Variants in KLHL32 observed in about 807,000 individuals in gnomAD.
The protein encoded by KLHL32 is kelch like family member 32, also known as kelch-like protein 32.
In KLHL32, 35 loss-of-function variants were observed where a neutral mutation model predicts 64.8. The observed-to-expected ratio is 0.54, with a 90% CI of 0.41 to 0.72. The LOEUF (loss-of-function observed/expected upper bound fraction) is 0.72, where lower values mean the gene tolerates loss of function less well. Ranked by LOEUF, KLHL32 falls within the 30% of genes least tolerant of loss-of-function variation. The pLI is 0.00. For synonymous variants in KLHL32, 259 were observed against 281.0 expected, an observed-to-expected ratio of 0.92 and a Z score of 0.78; for missense variants, 589 against 768.5, an observed-to-expected ratio of 0.77 and a Z score of 2.76.
intron 1 of KLHL32, among the ~76,000 whole-genome samples, chr6:96,941,538 A>G (rs1424194670): frequency 2.6e-5 from 4 of 152,348 alleles, no homozygotes; most frequent in Admixed American, 1.3e-4. Flanking sequence ...TCTGAGAAGC[A>G]TTGATATTAT....
rs935272354 is a variant in KLHL32 at position 96,934,824 on chromosome 6, C to T, written c.-66+9798C>T. Among the ~76,000 whole-genome samples the T allele has an allele frequency of 3.9e-5, 6 of 152,250 alleles. No individual in the cohort carries two copies. The East Asian group carries it at 5.8e-4, about 15-fold the overall frequency. ...CTTTATGTAAGCCAACTGGAGAATG[C>T]CATTTCCACTGTGGATATAATCTTA... On this transcript the variant is annotated intron_variant, in intron 1 of 10. Transcript: ENST00000369261.
chr6:96,954,379 A>T (rs1007568580), intron 1 of KLHL32, among the ~76,000 whole-genome samples: 9 of 125,104 alleles, frequency 7.2e-5, no homozygotes, highest in African/African-American at 2.9e-4. Flanking sequence ...TGATGCTTAG[A>T]TATTCACTCA....
chr6:97,109,628 A>T (rs1796857246), intron 6 of KLHL32, among the ~76,000 whole-genome samples: 1 of 152,246 alleles, frequency 6.6e-6, no homozygotes, highest in Admixed American at 6.5e-5. Context: ...TGCTGGAAAG[A>T]TAAAGATAAA....
chr6:97,105,275 A>G (rs1468708225), intron 6 of KLHL32, among the ~76,000 whole-genome samples: 3 of 152,328 alleles, frequency 2.0e-5, no homozygotes, highest in East Asian at 3.9e-4. Flanking sequence ...TTAGAAAGGA[A>G]AAGATTCGTC....
At chr6:97,039,183 C>T (rs1784746092) in intron 3 of KLHL32, among the ~76,000 whole-genome samples, 1 of 151,406 alleles carries the variant, frequency 6.6e-6, no homozygotes. Context: ...GGTATATATA[C>T]CCAAAGAAAT....
intron 1 of KLHL32, among the ~76,000 whole-genome samples, chr6:96,947,978 A>G (rs1443083741): frequency 6.6e-6 from 1 of 152,164 alleles, no homozygotes; most frequent in Non-Finnish European, 1.5e-5. Flanking sequence ...GCATAAAGAA[A>G]TGAATTGTAT....
intron 3 of KLHL32, among the ~76,000 whole-genome samples, chr6:96,978,468 A>C (rs1029172405): frequency 6.6e-6 from 1 of 152,222 alleles, no homozygotes; most frequent in Non-Finnish European, 1.5e-5. Context: ...TGCAAAGGAC[A>C]TGATCTCATT....
intron 2 of KLHL32, 100 bp from the exon 3 acceptor site, chr6:96,975,897 G>A (rs1000962453): frequency 1.1e-5 from 9 of 850,482 alleles, no homozygotes; most frequent in South Asian, 4.5e-5. Context: ...GAGTGCACTG[G>A]AACCCGTGTT....
intron 5 of KLHL32, among the ~76,000 whole-genome samples, chr6:97,070,709 G>A (rs1790575239): frequency 2.0e-5 from 3 of 152,180 alleles, no homozygotes; most frequent in South Asian, 4.1e-4. Context: ...GCTAACTGTT[G>A]TCAGCTGGGT....
chr6:97,095,941 T>C (rs1455902131), intron 6 of KLHL32, among the ~76,000 whole-genome samples: 1 of 152,168 alleles, frequency 6.6e-6, no homozygotes, highest in East Asian at 1.9e-4. Flanking sequence ...TTGAAGTCCA[T>C]TTACATGTAG....
At chr6:96,902,157 T>C in the KLHL32 span, among the ~76,000 whole-genome samples, 4 of 152,218 alleles carry the variant, frequency 2.6e-5, no homozygotes, top group South Asian at 2.1e-4. Context: ...TCTGGGGAAT[T>C]GCCACACTAT....
intron 1 of KLHL32, 141 bp downstream of exon 1, chr6:96,925,167 A>G (rs897381284): frequency 1.1e-4 from 17 of 152,360 alleles, no homozygotes; most frequent in African/African-American, 4.1e-4. Context: ...CGTGTCGTCT[A>G]ACGGGAGCAG....
chr6:97,080,714 C>G (rs1792368693), intron 5 of KLHL32, among the ~76,000 whole-genome samples: 1 of 152,174 alleles, frequency 6.6e-6, no homozygotes, highest in Non-Finnish European at 1.5e-5. Context: ...CAGTGGTGAA[C>G]AAACCAGCAG....
chr6:97,082,599 G>A (rs2128175905), intron 5 of KLHL32, among the ~76,000 whole-genome samples: 1 of 143,236 alleles, frequency 7.0e-6, no homozygotes, highest in South Asian at 2.4e-4. Context: ...GGGCGACAGA[G>A]CAAGATTCCA....
intron 3 of KLHL32, among the ~76,000 whole-genome samples, chr6:97,029,017 G>C (rs1783136022): frequency 6.6e-6 from 1 of 152,236 alleles, no homozygotes. Flanking sequence ...CTTTCCAGAA[G>C]ACAGAAAGAC....
intron 3 of KLHL32, among the ~76,000 whole-genome samples, chr6:97,019,478 C>CT (rs1781691453): frequency 1.3e-5 from 2 of 152,228 alleles, no homozygotes; most frequent in Non-Finnish European, 2.9e-5. Flanking sequence ...AGATTAGTCA[C>CT]TGGATGTGGG....
At chr6:97,058,488 A>G (rs1582880028) in intron 4 of KLHL32, among the ~76,000 whole-genome samples, 1 of 152,130 alleles carries the variant, frequency 6.6e-6, no homozygotes, top group Non-Finnish European at 1.5e-5. Flanking sequence ...ATTGCCTACC[A>G]ATATTCATTT....
intron 3 of KLHL32, among the ~76,000 whole-genome samples, chr6:96,993,002 A>G (rs1369481034): frequency 6.6e-6 from 1 of 152,154 alleles, no homozygotes; most frequent in African/African-American, 2.4e-5. Flanking sequence ...TTGTGCACTG[A>G]TTGTTCAGAT....
At chr6:96,909,186 T>C in the KLHL32 span, among the ~76,000 whole-genome samples, 1 of 152,142 alleles carries the variant, frequency 6.6e-6, no homozygotes, top group Non-Finnish European at 1.5e-5. Context: ...GTCAAGTGCC[T>C]ATCCTTTGGT....
Sources: allele counts gnomAD v4.1 joint callset (sites outside exome capture counted in the v4.1 genomes callset), GRCh38; gene constraint gnomAD v4.1.1; transcripts MANE v1.5; gene names NCBI Gene and HGNC (gene_info 2026-07-23, HGNC 2026-07-21).